SIL1: variants seen among roughly 807,000 people sequenced by gnomAD.
SIL1 encodes nucleotide exchange factor SIL1.
SIL1 carries 40 observed loss-of-function variants against 49.1 expected under a neutral mutation model. The ratio of observed to expected loss-of-function variants is 0.81; its 90% confidence interval spans 0.63 to 1.06. The LOEUF (loss-of-function observed/expected upper bound fraction) is 1.06. Among genes scored for constraint, SIL1 ranks in the 50% least tolerant of loss-of-function variants. SIL1 has a pLI of 0.00. For missense variants in SIL1, 500 were observed against 572.6 expected (o/e 0.87, Z 1.29); for synonymous variants, 253 against 250.8 (o/e 1.01, Z -0.08).
At chr5:139,000,573 T>C (rs903700464) in intron 7 of SIL1, among the ~76,000 whole-genome samples, 3 of 152,042 alleles carry the variant, frequency 2.0e-5, no homozygotes, top group African/African-American at 7.2e-5. Flanking sequence ...AAATTAAATC[T>C]ATATCTCACA....
chr5:138,952,011 A>G lies in SIL1; in HGVS notation c.768-127T>C. On this transcript the variant is annotated intron_variant, in intron 7 of 9. Coordinates refer to ENST00000394817, the MANE Select transcript of SIL1 (RefSeq NM_022464.5). ...ACAACAGAGGTTCCCACACGGGGCA[A>G]GTCAAACTCAGCTGGGGAAACAAAG... 3 of 830,684 alleles carry G rather than the reference A, an allele frequency of 3.6e-6. No individual in the cohort carries two copies. In the South Asian group the frequency reaches 4.2e-5, roughly 12 times the overall value. The allele number at this position is 830,684 out of a possible 1,614,324, so 51.5% of individuals were successfully genotyped here.
At chr5:139,039,022 G>A (rs1768980917) in intron 5 of SIL1, among the ~76,000 whole-genome samples, 1 of 152,224 alleles carries the variant, frequency 6.6e-6, no homozygotes, top group Non-Finnish European at 1.5e-5. Flanking sequence ...TAAACAGCCT[G>A]CTACTGTCAG....
intron 7 of SIL1, among the ~76,000 whole-genome samples, chr5:138,959,200 G>A (rs555359260): frequency 1.3e-5 from 2 of 152,268 alleles, no homozygotes; most frequent in South Asian, 4.1e-4. Context: ...CAGACTCCAA[G>A]CCCTACCCTG....
At chr5:139,025,257 T>C (rs1768619091) in intron 6 of SIL1, among the ~76,000 whole-genome samples, 1 of 152,154 alleles carries the variant, frequency 6.6e-6, no homozygotes, top group Admixed American at 6.5e-5. Flanking sequence ...AGGTACCAGT[T>C]GCCTTTGAGA....
chr5:139,191,223 A>C (rs1752161760), intron 1 of SIL1, among the ~76,000 whole-genome samples: 2 of 38,054 alleles, frequency 5.3e-5, no homozygotes, highest in African/African-American at 2.2e-4. Context: ...CTCTGTCTCA[A>C]AAAAAAAAAA....
intron 2 of SIL1, among the ~76,000 whole-genome samples, chr5:139,125,441 T>A (rs1483901107): frequency 6.6e-6 from 1 of 152,128 alleles, no homozygotes; most frequent in East Asian, 1.9e-4. Flanking sequence ...AATAAATGAA[T>A]CTCTAATGGT....
rs138463250 is a variant in SIL1 at position 139,089,044 on chromosome 5, C to G, written c.244+31991G>C. On this transcript the variant is annotated intron_variant, in intron 3 of 9. Coordinates refer to ENST00000394817, the MANE Select transcript of SIL1 (RefSeq NM_022464.5). ...CCAAAAGTTTTTCAAATTTGAGAAG[C>G]TGCTACACCTTGTGGGTTCTGTTTG... Among the ~76,000 whole-genome samples, 543 of 152,316 alleles carry G rather than the reference C, an allele frequency of 3.6e-3. 2 individuals carry two copies. Among genetic ancestry groups the G allele is most frequent in the Non-Finnish European group, 5.0e-3 (337 of 68,028 alleles).
chr5:139,122,997 TAAC>T (rs1470002636), intron 2 of SIL1, among the ~76,000 whole-genome samples: 2 of 151,556 alleles, frequency 1.3e-5, no homozygotes, highest in South Asian at 2.1e-4. Flanking sequence ...ATGAAAATAA[TAAC>T]AACATCTAGC....
chr5:139,162,587 A>C (rs1488810540), intron 1 of SIL1, among the ~76,000 whole-genome samples: 1 of 152,250 alleles, frequency 6.6e-6, no homozygotes, highest in Admixed American at 6.5e-5. Flanking sequence ...ATAAGAAAGA[A>C]AATCATCTTG....
At chr5:139,040,968 C>G (rs1769035122) in intron 5 of SIL1, among the ~76,000 whole-genome samples, 1 of 152,130 alleles carries the variant, frequency 6.6e-6, no homozygotes, top group Admixed American at 6.5e-5. Flanking sequence ...GAGAAGAGAA[C>G]AAGGTTAAGT....
chr5:139,078,281 C>CA (rs1200476527), intron 3 of SIL1, among the ~76,000 whole-genome samples: 1 of 150,310 alleles, frequency 6.7e-6, no homozygotes, highest in Non-Finnish European at 1.5e-5. Context: ...ATATCTCTAC[C>CA]AAAAAAAAAT....
intron 1 of SIL1, among the ~76,000 whole-genome samples, chr5:139,167,850 T>C (rs1390044610): frequency 6.6e-6 from 1 of 152,108 alleles, no homozygotes; most frequent in African/African-American, 2.4e-5. Context: ...CTACTTTTTA[T>C]TTTTTCTCTT....
At chr5:139,039,207 T>C (rs924522995) in intron 5 of SIL1, among the ~76,000 whole-genome samples, 1 of 152,196 alleles carries the variant, frequency 6.6e-6, no homozygotes, top group Admixed American at 6.5e-5. Flanking sequence ...TACTGCCTTC[T>C]ACCACTTTTT....
intron 3 of SIL1, among the ~76,000 whole-genome samples, chr5:139,080,064 G>T (rs1395445834): frequency 1.3e-5 from 2 of 152,106 alleles, no homozygotes; most frequent in Non-Finnish European, 2.9e-5. Context: ...AACTTTACTG[G>T]GGGTGGGGGG....
chr5:139,100,192 T>C (rs191203948), intron 3 of SIL1, among the ~76,000 whole-genome samples: 2 of 152,312 alleles, frequency 1.3e-5, no homozygotes, highest in Non-Finnish European at 2.9e-5. Flanking sequence ...AATATTACCT[T>C]ACTTATTTTG....
chr5:139,168,772 C>A (rs1751674487), intron 1 of SIL1, among the ~76,000 whole-genome samples: 1 of 151,964 alleles, frequency 6.6e-6, no homozygotes, highest in African/African-American at 2.4e-5. Flanking sequence ...GAGTTTAAGA[C>A]CATCCTGGGC....
chr5:139,188,776 C>T (rs1752118357), intron 1 of SIL1, among the ~76,000 whole-genome samples: 1 of 152,230 alleles, frequency 6.6e-6, no homozygotes, highest in Non-Finnish European at 1.5e-5. Context: ...GGAGAACATA[C>T]TATCTGAGGG....
At chr5:139,059,481 G>T (rs1255564623) in intron 3 of SIL1, among the ~76,000 whole-genome samples, 1 of 152,060 alleles carries the variant, frequency 6.6e-6, no homozygotes, top group Non-Finnish European at 1.5e-5. Flanking sequence ...AATATATACA[G>T]CTTAGAATAT....
intron 3 of SIL1, among the ~76,000 whole-genome samples, chr5:139,105,792 G>C (rs1174468471): frequency 6.6e-6 from 1 of 152,238 alleles, no homozygotes; most frequent in Non-Finnish European, 1.5e-5. Flanking sequence ...CAAAAGGGGT[G>C]GAGAGCACCA....
Sources: gnomAD v4.1 joint callset for allele counts (sites outside exome capture counted in the v4.1 genomes callset) on GRCh38, gnomAD v4.1.1 for gene constraint, MANE v1.5 for transcripts, NCBI Gene and HGNC (gene_info 2026-07-23, HGNC 2026-07-21) for gene names.